LAMP3: variants seen among roughly 807,000 people sequenced by gnomAD.
LAMP3 encodes the protein lysosome associated membrane protein 3.
LAMP3 carries 26 observed loss-of-function variants against 34.8 expected under a neutral mutation model. That is an observed-to-expected ratio of 0.75 (90% CI 0.55 to 1.04). The LOEUF (loss-of-function observed/expected upper bound fraction) is 1.04, where lower values mean the gene tolerates loss of function less well. Among genes scored for constraint, LAMP3 ranks in the 50% least tolerant of loss-of-function variants. LAMP3 has a pLI of 0.00. For missense variants in LAMP3, 495 were observed against 524.0 expected (o/e 0.94, Z 0.54); for synonymous variants, 180 against 201.9 (o/e 0.89, Z 0.92).
chr3:183,126,558 GTGTGT>G (rs1719784955), intron 5 of LAMP3, among the ~76,000 whole-genome samples: 4 of 151,818 alleles, frequency 2.6e-5, no homozygotes, highest in Admixed American at 2.6e-4. Context: ...GTGTGTGTGT[GTGTGT>G]GCACACGTGT....
chr3:183,144,528 G>A (rs1255386487), intron 3 of LAMP3, among the ~76,000 whole-genome samples: 5 of 152,054 alleles, frequency 3.3e-5, no homozygotes, highest in Non-Finnish European at 7.4e-5. Flanking sequence ...AGGGGTGGGA[G>A]GGGCCTTCTA....
At chr3:183,130,266 C>T (rs1026597024) in intron 5 of LAMP3, among the ~76,000 whole-genome samples, 4 of 147,548 alleles carry the variant, frequency 2.7e-5, no homozygotes, top group African/African-American at 1.0e-4. Context: ...TGACGCCATT[C>T]TCCTGCCTCA....
chr3:183,126,061 C>T (rs1379867228), intron 5 of LAMP3, among the ~76,000 whole-genome samples: 2 of 152,160 alleles, frequency 1.3e-5, no homozygotes, highest in Admixed American at 6.5e-5. Flanking sequence ...GTAATGCACA[C>T]ACCTGTTGAC....
chr3:183,128,273 C>T, intron 5 of LAMP3, among the ~76,000 whole-genome samples: 1 of 152,168 alleles, frequency 6.6e-6, no homozygotes, highest in Non-Finnish European at 1.5e-5. Flanking sequence ...TTAGTTCTCC[C>T]TGTCCCCATT....
chr3:183,152,365 C>T lies in LAMP3; in HGVS notation c.888+10G>A, dbSNP rs558997317. 1 of 1,600,568 alleles carries T rather than the reference C, an allele frequency of 6.2e-7. No homozygotes were observed. The highest frequency in any genetic ancestry group is 1.7e-5 in the Admixed American group (1 of 57,548). On this transcript the variant is annotated intron_variant, in intron 3 of 5. Coordinates refer to ENST00000265598, the MANE Select transcript of LAMP3 (RefSeq NM_014398.4). ...CAGATGCAGTTTGTGCAAAGGAGCTCAGGCCTCACCTTGGTAAATGTGAGA... is the reference window on the plus strand; with the variant it reads ...CAGATGCAGTTTGTGCAAAGGAGCTTAGGCCTCACCTTGGTAAATGTGAGA...
In LAMP3 at chr3:183,154,612, G is replaced by A. The variant is rs556769880; in HGVS notation, c.50-221C>T. On this transcript the variant is annotated intron_variant, in intron 1 of 5. Coordinates refer to ENST00000265598, the MANE Select transcript of LAMP3 (RefSeq NM_014398.4). ...TGGTTGTATCCATGCCTTTTACAGG[G>A]TTATGACAGTTCCACAGCACCCAGC... Among the ~76,000 whole-genome samples the A allele has an allele frequency of 2.6e-5, 4 of 152,286 alleles. No individual in the cohort carries two copies. In the East Asian group the frequency reaches 5.8e-4, roughly 22 times the overall value.
chr3:183,152,371 T>A lies in LAMP3; in HGVS notation c.888+4A>T, dbSNP rs752674414. On this transcript the variant is annotated splice_donor_region_variant and intron_variant, in intron 3 of 5. Coordinates refer to ENST00000265598, the MANE Select transcript of LAMP3 (RefSeq NM_014398.4). ...CAGTTTGTGCAAAGGAGCTCAGGCCTCACCTTGGTAAATGTGAGATTCACA... is the reference window on the plus strand; with the variant it reads ...CAGTTTGTGCAAAGGAGCTCAGGCCACACCTTGGTAAATGTGAGATTCACA... 5 of 1,606,674 alleles carry A rather than the reference T, an allele frequency of 3.1e-6. No homozygotes were observed. In the Admixed American group the frequency reaches 8.5e-5, roughly 27 times the overall value.
intron 3 of LAMP3, among the ~76,000 whole-genome samples, chr3:183,149,728 T>C (rs1314432455): frequency 6.6e-6 from 1 of 151,426 alleles, no homozygotes; most frequent in Admixed American, 6.6e-5. Flanking sequence ...ATATTTAGAT[T>C]TTTTGTAACA....
chr3:183,162,766 A>T, upstream of LAMP3: 1 of 1,070,562 alleles, frequency 9.3e-7, no homozygotes, highest in Non-Finnish European at 1.3e-6. Flanking sequence ...GCTTATGAGA[A>T]GCAGCCGAAA....
At chr3:183,154,671 C>A (rs139374244) in intron 1 of LAMP3, among the ~76,000 whole-genome samples, 3 of 152,272 alleles carry the variant, frequency 2.0e-5, no homozygotes, top group African/African-American at 7.2e-5. Context: ...TACTAATACA[C>A]GCCAAAGTGA....
chr3:183,151,414 G>A (rs1720626622), intron 3 of LAMP3, among the ~76,000 whole-genome samples: 1 of 151,402 alleles, frequency 6.6e-6, no homozygotes. Context: ...TCCCGTGTAT[G>A]GGGCATGCTC....
chr3:183,123,887 A>C lies in LAMP3; in HGVS notation c.*194T>G, dbSNP rs1719723057. The C allele has an allele frequency of 5.2e-6, 3 of 572,772 alleles. No homozygotes were observed. The Admixed American group carries it at 1.1e-4, about 21-fold the overall frequency. 35.5% of individuals were successfully genotyped at this position (572,772 alleles called of 1,614,324 possible). ...TAAACAGCTCACTATATCTTTCATA[A>C]AATAAACAAAAAGTATTTAGAAATT... On this transcript the variant is annotated 3_prime_UTR_variant, in exon 6 of 6. Transcript: ENST00000265598.
chr3:183,140,521 A>C lies in LAMP3; in HGVS notation c.946+17T>G. The C allele has an allele frequency of 6.6e-7, 1 of 1,508,476 alleles. No homozygotes were observed. The highest frequency in any genetic ancestry group is 9.2e-7 in the Non-Finnish European group (1 of 1,086,332). 93.4% of individuals were successfully genotyped at this position (1,508,476 alleles called of 1,614,324 possible). The stretch of plus-strand genomic sequence containing the variant: ...CAGCGTCATGGCTGGTCGAATGGGC[A>C]TTCTGTAATTACTAACCTGGATCTG... On this transcript the variant is annotated intron_variant, in intron 4 of 5. Transcript: ENST00000265598.
Position 183,153,766 on chromosome 3 carries a change from A to C in LAMP3, c.675T>G (p.Thr225=), listed in dbSNP as rs1441476790. The C allele has an allele frequency of 6.4e-7, 1 of 1,565,516 alleles. No homozygotes were observed. Among genetic ancestry groups the C allele is most frequent in the Non-Finnish European group, 8.6e-7 (1 of 1,156,886 alleles). ...TLAPQPSSVK[T]GIYQVLNGSR... ...TTCCGTTTAGAACCTGATAAATTCC[A>C]GTCTTGACTGACGATGGCTGAGGTG... Residue 225 remains threonine, a synonymous_variant, in exon 2 of 6, where the codon ACT becomes ACG. Transcript: ENST00000265598.
chr3:183,124,828 A>G (rs1472690218), intron 5 of LAMP3, among the ~76,000 whole-genome samples: 1 of 151,894 alleles, frequency 6.6e-6, no homozygotes, highest in Non-Finnish European at 1.5e-5. Flanking sequence ...GCGAAACTCC[A>G]TCTCAAAAAC....
chr3:183,135,648 GA>G (rs1417489225), intron 5 of LAMP3, 68 bp downstream of exon 5: 2 of 1,422,496 alleles, frequency 1.4e-6, no homozygotes, highest in Non-Finnish European at 2.0e-6. Flanking sequence ...GCTGCAGACA[GA>G]AAACACTTTG....
At chr3:183,137,635 C>T (rs1039072388) in intron 4 of LAMP3, among the ~76,000 whole-genome samples, 1 of 152,188 alleles carries the variant, frequency 6.6e-6, no homozygotes, top group African/African-American at 2.4e-5. Context: ...ACCATCCCCA[C>T]TAACATTACA....
chr3:183,147,618 T>C (rs113406760), intron 3 of LAMP3, among the ~76,000 whole-genome samples: 4,924 of 150,726 alleles, frequency 0.033, 265 homozygotes, highest in African/African-American at 0.11. Flanking sequence ...GAAAACAATT[T>C]TTTTTTTTTT....
chr3:183,151,868 C>T (rs1720646514), intron 3 of LAMP3, among the ~76,000 whole-genome samples: 1 of 152,188 alleles, frequency 6.6e-6, no homozygotes, highest in Non-Finnish European at 1.5e-5. Flanking sequence ...ACTCTCTGAC[C>T]TCGATCTATG....
Sources: gnomAD v4.1 joint callset for allele counts (sites outside exome capture counted in the v4.1 genomes callset) on GRCh38, gnomAD v4.1.1 for gene constraint, MANE v1.5 for transcripts, NCBI Gene and HGNC (gene_info 2026-07-23, HGNC 2026-07-21) for gene names.